The following NDUFA9 variants were observed in gnomAD, a reference collection of about 807,000 sequenced individuals.
The protein encoded by NDUFA9 is NADH:ubiquinone oxidoreductase subunit A9.
NDUFA9 carries 23 observed loss-of-function variants against 45.9 expected under a neutral mutation model. The ratio of observed to expected loss-of-function variants is 0.50; its 90% CI spans 0.36 to 0.71. The LOEUF is 0.71. Among genes scored for constraint, NDUFA9 ranks in the 30% least tolerant of loss-of-function variants. The pLI, the probability that NDUFA9 is intolerant of heterozygous loss-of-function variation, is 0.00. For synonymous variants in NDUFA9, 176 were observed against 170.5 expected, an observed-to-expected ratio of 1.03 and a Z score of -0.25; for missense variants, 466 against 488.2, an observed-to-expected ratio of 0.95 and a Z score of 0.43.
At chr12:4,649,259 G>C in intron 1 of NDUFA9, 84 bp downstream of exon 1, 1 of 1,482,288 alleles carries the variant, frequency 6.7e-7, no homozygotes, top group Non-Finnish European at 9.2e-7. Context: ...GTGCTGCAGC[G>C]GTCACGCCAA....
chr12:4,682,806 C>G (rs1183297542), intron 9 of NDUFA9, among the ~76,000 whole-genome samples: 1 of 152,120 alleles, frequency 6.6e-6, no homozygotes, highest in Non-Finnish European at 1.5e-5. Context: ...GTGGCTCATG[C>G]CTATAATCCC....
At chr12:4,673,476 A>G (rs1382858412) in intron 8 of NDUFA9, among the ~76,000 whole-genome samples, 1 of 152,230 alleles carries the variant, frequency 6.6e-6, no homozygotes, top group Admixed American at 6.5e-5. Flanking sequence ...TTTAGAGAAC[A>G]ACATAAATGA....
In NDUFA9 at chr12:4,684,895, G is replaced by T. The variant is rs1157518738; in HGVS notation, c.897-364G>T. 4 of 550,600 alleles carry T rather than the reference G, an allele frequency of 7.3e-6. No homozygotes were observed. The African/African-American group carries it at 7.5e-5, about 10-fold the overall frequency. The allele number at this position is 550,600 out of a possible 1,614,324, so 34.1% of individuals were successfully genotyped here. ...ATTCAGCTTGCCCTGCTTCTGTAAAGGCAGCATATTTGAATATCTGAGGTT... is the reference window on the plus strand; with the variant it reads ...ATTCAGCTTGCCCTGCTTCTGTAAATGCAGCATATTTGAATATCTGAGGTT... On this transcript the variant is annotated intron_variant, in intron 9 of 10. Coordinates refer to ENST00000266544, the MANE Select transcript of NDUFA9 (RefSeq NM_005002.5).
At chr12:4,655,633 A>C (rs1945785367) in intron 3 of NDUFA9, 1 of 152,218 alleles carries the variant, frequency 6.6e-6, no homozygotes, top group South Asian at 2.1e-4. Flanking sequence ...TAAACATAAA[A>C]AAATCACAAA....
At chr12:4,655,117 CTT>C in intron 3 of NDUFA9, 195 bp downstream of exon 3, 1 of 532,288 alleles carries the variant, frequency 1.9e-6, no homozygotes, top group Non-Finnish European at 3.3e-6. Flanking sequence ...AGTTGGCAAA[CTT>C]TTTCTTTGAA....
At chr12:4,665,442 C>G (rs1167478238) in intron 6 of NDUFA9, among the ~76,000 whole-genome samples, 1 of 152,212 alleles carries the variant, frequency 6.6e-6, no homozygotes, top group African/African-American at 2.4e-5. Context: ...GAATAATATT[C>G]TGTGATATGT....
intron 1 of NDUFA9, chr12:4,653,791 T>C (rs1339217531): frequency 3.0e-6 from 1 of 333,718 alleles, no homozygotes; most frequent in Non-Finnish European, 5.7e-6. Context: ...GTCACCAGTT[T>C]CAGATTCTGT....
At position 4,662,668 on chromosome 12, in the gene NDUFA9, G is replaced by A. The variant is rs769443764; in HGVS notation, c.655+33G>A. ...TTCTTTCTTAATGGTAGAAGAGAGG[G>A]ATACTGATTAACCAAGTTGAAGCTG... On this transcript the variant is annotated intron_variant, in intron 6 of 10. Transcript: ENST00000266544. The A allele has an allele frequency of 1.3e-5, 20 of 1,525,140 alleles. No homozygotes were observed. The South Asian group carries it at 2.2e-4, about 17-fold the overall frequency. 94.5% of individuals were successfully genotyped at this position (1,525,140 alleles called of 1,614,324 possible). A position where few individuals can be genotyped will look rare whatever the true frequency, so the allele number is the denominator to read the frequency against.
At chr12:4,662,975 T>C (rs757532177) in intron 6 of NDUFA9, among the ~76,000 whole-genome samples, 3 of 152,218 alleles carry the variant, frequency 2.0e-5, no homozygotes, top group Non-Finnish European at 4.4e-5. Context: ...GTATTGATTC[T>C]TACCCTCCTA....
intron 6 of NDUFA9, among the ~76,000 whole-genome samples, chr12:4,667,845 AAAAC>A (rs569608343): frequency 1.2e-3 from 176 of 152,236 alleles, no homozygotes; most frequent in Admixed American, 3.1e-3. Context: ...AAAAAAAAGA[AAAAC>A]AAACAAACAA....
chr12:4,673,727 G>C (rs1036893077), intron 8 of NDUFA9, among the ~76,000 whole-genome samples: 5 of 152,182 alleles, frequency 3.3e-5, no homozygotes, highest in African/African-American at 1.2e-4. Context: ...GTGATGGGGA[G>C]AATGGAACCA....
At chr12:4,678,342 A>G (rs1316432284) in intron 8 of NDUFA9, among the ~76,000 whole-genome samples, 1 of 152,144 alleles carries the variant, frequency 6.6e-6, no homozygotes, top group Non-Finnish European at 1.5e-5. Context: ...TTATAAAACT[A>G]TAATAATTTT....
At chr12:4,658,214 C>T (rs1945802695) in intron 4 of NDUFA9, among the ~76,000 whole-genome samples, 1 of 152,192 alleles carries the variant, frequency 6.6e-6, no homozygotes, top group Non-Finnish European at 1.5e-5. Context: ...GTCTTTTCTG[C>T]ATTGTTAATT....
rs1945830241 is a variant in NDUFA9, at chr12:4,662,642, A to G, written c.655+7A>G. 3 of 1,604,612 alleles carry G rather than the reference A, an allele frequency of 1.9e-6. No individual in the cohort carries two copies. The highest frequency in any genetic ancestry group is 1.7e-5 in the Admixed American group (1 of 59,968). ...TTCCTTAATTCTTTTGCAAGTACGT[A>G]TTCTTTCTTAATGGTAGAAGAGAGG... On this transcript the variant is annotated splice_region_variant and intron_variant, in intron 6 of 10. Transcript: ENST00000266544.
intron 9 of NDUFA9, among the ~76,000 whole-genome samples, chr12:4,682,909 A>G (rs1164761099): frequency 6.6e-6 from 1 of 152,178 alleles, no homozygotes. Flanking sequence ...TCTACAAAAC[A>G]TACCAAATTA....
At chr12:4,658,498 A>G (rs1177952735) in intron 4 of NDUFA9, among the ~76,000 whole-genome samples, 1 of 152,184 alleles carries the variant, frequency 6.6e-6, no homozygotes, top group Non-Finnish European at 1.5e-5. Context: ...GAAATTGTTG[A>G]CTGACTTGTT....
At chr12:4,666,979 T>C (rs1210098882) in intron 6 of NDUFA9, among the ~76,000 whole-genome samples, 1 of 152,226 alleles carries the variant, frequency 6.6e-6, no homozygotes, top group East Asian at 1.9e-4. Flanking sequence ...AGAATTGACA[T>C]ATGTCTTAGT....
At chr12:4,653,902 T>C (rs1025855015) in intron 1 of NDUFA9, among the ~76,000 whole-genome samples, 3 of 152,210 alleles carry the variant, frequency 2.0e-5, no homozygotes, top group East Asian at 3.9e-4. Flanking sequence ...TCTTTTTTTT[T>C]TCCTCTTTTA....
intron 5 of NDUFA9, among the ~76,000 whole-genome samples, 166 bp from the exon 6 acceptor site, chr12:4,662,367 A>AT (rs1313454991): frequency 3.3e-5 from 5 of 152,220 alleles, no homozygotes; most frequent in Non-Finnish European, 7.3e-5. Context: ...TGTGGATTAT[A>AT]TTTTTTAAAA....
Sources: gnomAD v4.1 joint callset for allele counts (sites outside exome capture counted in the v4.1 genomes callset) on GRCh38, gnomAD v4.1.1 for gene constraint, MANE v1.5 for transcripts, NCBI Gene and HGNC (gene_info 2026-07-23, HGNC 2026-07-21) for gene names.